ADAM2: variants seen among roughly 807,000 people sequenced by gnomAD.
ADAM2 encodes ADAM metallopeptidase domain 2, also known as disintegrin and metalloproteinase domain-containing protein 2.
A neutral mutation model predicts 99.3 loss-of-function variants in ADAM2; 101 were observed. That is an observed-to-expected ratio of 1.02 (90% CI 0.87 to 1.20). The LOEUF (loss-of-function observed/expected upper bound fraction) is 1.20, where lower values mean the gene tolerates loss of function less well. ADAM2 is among the 50% of genes most tolerant of loss of function. ADAM2 has a pLI of 0.00. For missense variants in ADAM2, 948 were observed against 878.7 expected, an observed-to-expected ratio of 1.08 and a Z score of -1.00; for synonymous variants, 323 against 287.6, an observed-to-expected ratio of 1.12 and a Z score of -1.25.
chr8:39,809,513 G>T, intron 6 of ADAM2, 47 bp from the exon 7 acceptor site: 2 of 856,654 alleles, frequency 2.3e-6, no homozygotes, highest in Non-Finnish European at 3.9e-6. Context: ...AATTACTTAA[G>T]TATTTTTAGT....
At chr8:39,796,962 T>C (rs989330023) in intron 7 of ADAM2, among the ~76,000 whole-genome samples, 13 of 152,198 alleles carry the variant, frequency 8.5e-5, no homozygotes, top group African/African-American at 3.1e-4. Flanking sequence ...GATGGGTAGA[T>C]TGCAAAAATT....
intron 10 of ADAM2, 148 bp downstream of exon 10, chr8:39,786,826 C>T: frequency 3.6e-6 from 2 of 558,632 alleles, no homozygotes; most frequent in Middle Eastern, 7.4e-4. Flanking sequence ...TGAATGAGTA[C>T]TTCTTATAGT....
Position 39,744,832 on chromosome 8 carries a change from T to C in ADAM2, c.*28A>G. On this transcript the variant is annotated splice_region_variant and 3_prime_UTR_variant, in exon 20 of 21. Transcript: ENST00000265708. ...TTAAAAAAATGAAAGAAACTCACAG[T>C]GATATCATGGCATCTCTGTTGTCCA... The C allele has an allele frequency of 3.8e-6, 6 of 1,574,096 alleles. No individual in the cohort carries two copies. The highest frequency in any genetic ancestry group is 5.2e-6 in the Non-Finnish European group (6 of 1,159,458).
chr8:39,821,768 CAT>C (rs1805199040), intron 4 of ADAM2, 106 bp from the exon 5 acceptor site: 6 of 743,326 alleles, frequency 8.1e-6, no homozygotes, highest in Non-Finnish European at 1.1e-5. Context: ...ATCAAACACT[CAT>C]GTTTCAAAAA....
chr8:39,751,132 T>C (rs1224771280), intron 16 of ADAM2, among the ~76,000 whole-genome samples: 2 of 152,168 alleles, frequency 1.3e-5, no homozygotes, highest in Non-Finnish European at 2.9e-5. Context: ...TACCTCCATT[T>C]AAGATTTATG....
At chr8:39,752,215 T>G (rs1801977291) in intron 16 of ADAM2, among the ~76,000 whole-genome samples, 1 of 152,160 alleles carries the variant, frequency 6.6e-6, no homozygotes, top group African/African-American at 2.4e-5. Flanking sequence ...TTGCACCCCC[T>G]ACAACAGTGG....
At chr8:39,750,636 C>A (rs1325912486) in intron 16 of ADAM2, among the ~76,000 whole-genome samples, 1 of 151,962 alleles carries the variant, frequency 6.6e-6, no homozygotes, top group Non-Finnish European at 1.5e-5. Flanking sequence ...GGATAGAAAC[C>A]AGTAGATGTA....
At chr8:39,820,715 T>A (rs916923052) in intron 6 of ADAM2, among the ~76,000 whole-genome samples, 1 of 152,248 alleles carries the variant, frequency 6.6e-6, no homozygotes, top group Admixed American at 6.5e-5. Context: ...AATTTTAACA[T>A]AATGGCTATG....
intron 16 of ADAM2, 52 bp from the exon 17 acceptor site, chr8:39,749,796 A>G (rs1156376767): frequency 6.9e-7 from 1 of 1,442,846 alleles, no homozygotes; most frequent in Non-Finnish European, 9.7e-7. Flanking sequence ...TAGAGTTGCC[A>G]TTTAATTAAA....
intron 6 of ADAM2, among the ~76,000 whole-genome samples, chr8:39,818,945 T>C (rs1805063134): frequency 1.3e-5 from 2 of 152,058 alleles, no homozygotes; most frequent in Admixed American, 6.6e-5. Context: ...AGAGTTAATA[T>C]TGTTAATATA....
chr8:39,771,874 T>C (rs1359250215), intron 11 of ADAM2, among the ~76,000 whole-genome samples: 1 of 152,014 alleles, frequency 6.6e-6, no homozygotes, highest in African/African-American at 2.4e-5. Flanking sequence ...ACATTTACCA[T>C]GTGTGAACTG....
chr8:39,764,952 G>C (rs1802512089), intron 14 of ADAM2, among the ~76,000 whole-genome samples: 1 of 152,006 alleles, frequency 6.6e-6, no homozygotes, highest in African/African-American at 2.4e-5. Flanking sequence ...GAACACGGGA[G>C]GTGAAGGTTG....
chr8:39,756,725 C>G (rs543661084), intron 15 of ADAM2, among the ~76,000 whole-genome samples: 15 of 152,296 alleles, frequency 9.8e-5, no homozygotes, highest in African/African-American at 3.6e-4. Flanking sequence ...CAACCCAGCC[C>G]CTGAAGTGGC....
Position 39,804,731 on chromosome 8 carries a change from C to T in ADAM2, c.570+4679G>A, listed in dbSNP as rs141575961. ...AAAATATGGGACAGTCATCAAAATGCTAAACACTTCAGTAAAAAATAAGTA... is the reference window on the plus strand; with the variant it reads ...AAAATATGGGACAGTCATCAAAATGTTAAACACTTCAGTAAAAAATAAGTA... On this transcript the variant is annotated intron_variant, in intron 7 of 20. Transcript: ENST00000265708. Among the ~76,000 whole-genome samples the T allele has an allele frequency of 2.8e-3, 424 of 152,148 alleles. 2 individuals are homozygous for T. The highest frequency in any genetic ancestry group is 9.9e-3 in the African/African-American group (409 of 41,520).
intron 14 of ADAM2, among the ~76,000 whole-genome samples, chr8:39,761,548 A>G (rs183377484): frequency 1.3e-5 from 2 of 152,324 alleles, no homozygotes; most frequent in African/African-American, 4.8e-5. Context: ...ACCTCTAATC[A>G]TAGTAAGTCT....
intron 7 of ADAM2, among the ~76,000 whole-genome samples, chr8:39,793,225 G>A (rs958422646): frequency 2.0e-5 from 3 of 152,060 alleles, no homozygotes; most frequent in Admixed American, 6.6e-5. Context: ...TGAAGTCTAC[G>A]TTCTGTGCCT....
chr8:39,824,796 A>G (rs1331355923), intron 4 of ADAM2, 23 bp downstream of exon 4: 8 of 1,321,678 alleles, frequency 6.1e-6, no homozygotes, highest in Non-Finnish European at 8.7e-6. Flanking sequence ...TGACAAAAAT[A>G]AAAGAGATCA....
intron 10 of ADAM2, among the ~76,000 whole-genome samples, chr8:39,782,548 T>C (rs1803273787): frequency 6.6e-6 from 1 of 152,140 alleles, no homozygotes; most frequent in Non-Finnish European, 1.5e-5. Context: ...AGTGCTTTAA[T>C]TGGAGACTCA....
At position 39,834,636 on chromosome 8, in the gene ADAM2, A is replaced by G. The variant is rs966737945; in HGVS notation, c.133-637T>C. On this transcript the variant is annotated intron_variant, in intron 2 of 20. Coordinates refer to ENST00000265708, the MANE Select transcript of ADAM2 (RefSeq NM_001464.5). ...GTAATCCCAGATACTGGGGAGGCCG[A>G]GACAGGAGAATCACTTGAACCTTGG... Among the ~76,000 whole-genome samples the G allele has an allele frequency of 2.0e-5, 3 of 148,388 alleles. No homozygotes were observed. In the East Asian group the frequency reaches 6.2e-4, roughly 31 times the overall value.
Sources: allele counts gnomAD v4.1 joint callset (sites outside exome capture counted in the v4.1 genomes callset), GRCh38; gene constraint gnomAD v4.1.1; transcripts MANE v1.5; gene names NCBI Gene and HGNC (gene_info 2026-07-23, HGNC 2026-07-21).